The following RAP1GAP2 variants were observed in gnomAD, a reference collection of about 807,000 sequenced individuals.
RAP1GAP2 encodes the protein RAP1 GTPase activating protein 2.
In RAP1GAP2, 27 loss-of-function variants were observed where a neutral mutation model predicts 95.0. The ratio of observed to expected loss-of-function variants is 0.28; its 90% CI spans 0.21 to 0.39. The LOEUF is 0.39. RAP1GAP2 is among the 10% of genes least tolerant of loss of function. The pLI is 1.00. For missense variants in RAP1GAP2, 771 were observed against 970.0 expected, an observed-to-expected ratio of 0.79 and a Z score of 2.72; for synonymous variants, 373 against 380.9, an observed-to-expected ratio of 0.98 and a Z score of 0.24.
At chr17:2,780,693 T>C (rs1337111920) in intron 1 of RAP1GAP2, among the ~76,000 whole-genome samples, 1 of 152,252 alleles carries the variant, frequency 6.6e-6, no homozygotes, top group East Asian at 1.9e-4. Flanking sequence ...CAGCCTATGC[T>C]GGGAGACCCA....
At chr17:2,977,746 TAAAAA>T (rs35219186) in intron 8 of RAP1GAP2, among the ~76,000 whole-genome samples, 176 of 76,854 alleles carry the variant, frequency 2.3e-3, no homozygotes, top group Non-Finnish European at 3.8e-3. Context: ...GACTCCGTCT[TAAAAA>T]AAAAAAAAAA....
At chr17:2,838,415 G>A (rs576803230) in intron 2 of RAP1GAP2, among the ~76,000 whole-genome samples, 2 of 152,228 alleles carry the variant, frequency 1.3e-5, no homozygotes, top group East Asian at 3.9e-4. Flanking sequence ...GGTGGTGTGT[G>A]CTGCCCTGCA....
intron 1 of RAP1GAP2, among the ~76,000 whole-genome samples, chr17:2,779,078 T>C (rs2068576935): frequency 6.6e-6 from 1 of 152,142 alleles, no homozygotes; most frequent in African/African-American, 2.4e-5. Flanking sequence ...TGGCCTGACA[T>C]GAAGCACTGT....
chr17:2,980,252 C>T, intron 8 of RAP1GAP2, 35 bp from the exon 9 acceptor site: 1 of 1,609,470 alleles, frequency 6.2e-7, no homozygotes. Flanking sequence ...CTGACTGTTT[C>T]TTAGGGATGT....
intron 1 of RAP1GAP2, among the ~76,000 whole-genome samples, chr17:2,757,006 A>G (rs1011238219): frequency 1.3e-5 from 2 of 152,250 alleles, no homozygotes; most frequent in African/African-American, 4.8e-5. Context: ...AAAATCCCAC[A>G]GTGTCAGAGC....
At chr17:2,860,390 C>G (rs561042021) in intron 2 of RAP1GAP2, among the ~76,000 whole-genome samples, 1 of 152,026 alleles carries the variant, frequency 6.6e-6, no homozygotes. Context: ...TTAGACCATT[C>G]GAGTTGAAGG....
intron 2 of RAP1GAP2, among the ~76,000 whole-genome samples, chr17:2,864,357 T>C (rs2072538720): frequency 6.6e-6 from 1 of 152,244 alleles, no homozygotes; most frequent in Non-Finnish European, 1.5e-5. Flanking sequence ...CCACATACTT[T>C]GTTTTTTCCT....
chr17:2,853,432 G>A (rs1257734518), intron 2 of RAP1GAP2, among the ~76,000 whole-genome samples: 1 of 151,960 alleles, frequency 6.6e-6, no homozygotes, highest in Admixed American at 6.5e-5. Flanking sequence ...GGCCGGGCCG[G>A]GGAGGGCGGC....
intron 2 of RAP1GAP2, among the ~76,000 whole-genome samples, chr17:2,887,982 A>G (rs2073560484): frequency 6.6e-6 from 1 of 152,242 alleles, no homozygotes; most frequent in East Asian, 1.9e-4. Context: ...CCTAACTATT[A>G]TCTCTACTAT....
intron 2 of RAP1GAP2, among the ~76,000 whole-genome samples, chr17:2,828,984 CTTTT>C (rs58160165): frequency 1.4e-4 from 11 of 80,840 alleles, no homozygotes; most frequent in African/African-American, 5.1e-4. Flanking sequence ...TAATTACTTG[CTTTT>C]TTTTTTTTTT....
In RAP1GAP2 at chr17:3,003,043, C is replaced by T. The variant is rs1457117311; in HGVS notation, c.1201-2326C>T. Among the ~76,000 whole-genome samples the T allele has an allele frequency of 1.3e-5, 2 of 152,162 alleles. No individual in the cohort carries two copies. The highest frequency in any genetic ancestry group is 2.1e-4 in the South Asian group (1 of 4,830). ...ACCAGCTGCTTGCTCATGCCAGGCA[C>T]GGTGCTGGGTCCTTAGACGCACAGT... On this transcript the variant is annotated intron_variant, in intron 14 of 24. Coordinates refer to ENST00000254695, the MANE Select transcript of RAP1GAP2 (RefSeq NM_015085.5). This position sits in a 1 kb window ranked among gnomAD's most constrained non-coding sequence, Gnocchi z 4.1.
At chr17:2,832,228 A>T (rs982436969) in intron 2 of RAP1GAP2, among the ~76,000 whole-genome samples, 2 of 149,902 alleles carry the variant, frequency 1.3e-5, no homozygotes, top group African/African-American at 4.9e-5. Context: ...AAACAAAAAA[A>T]CCCAAATCAT....
rs554716073 is a variant in RAP1GAP2 at position 2,976,066 on chromosome 17, C to T, written c.597-4221C>T. ...ACAGTCATTAACTTGTACTTAATAACGTCGTCTTGAATTTTAAAAAGCAAA... is the reference window on the plus strand; with the variant it reads ...ACAGTCATTAACTTGTACTTAATAATGTCGTCTTGAATTTTAAAAAGCAAA... On this transcript the variant is annotated intron_variant, in intron 8 of 24. Coordinates refer to ENST00000254695, the MANE Select transcript of RAP1GAP2 (RefSeq NM_015085.5). Among the ~76,000 whole-genome samples, 7 of 152,266 alleles carry T rather than the reference C, an allele frequency of 4.6e-5. No individual in the cohort carries two copies. In the South Asian group the frequency reaches 6.2e-4, roughly 14 times the overall value.
intron 2 of RAP1GAP2, among the ~76,000 whole-genome samples, chr17:2,804,501 A>C (rs2027997): frequency 0.45 from 67,951 of 151,972 alleles, 15,460 homozygotes; most frequent in South Asian, 0.53. Context: ...TGGTTCTCAC[A>C]CCTGCCTCCC....
At chr17:2,765,154 A>C (rs948392936) in intron 1 of RAP1GAP2, among the ~76,000 whole-genome samples, 1 of 152,104 alleles carries the variant, frequency 6.6e-6, no homozygotes. Context: ...TCCCAAATGG[A>C]AGTCATAATC....
Position 3,027,141 on chromosome 17 carries a change from GC to G in RAP1GAP2, c.2107+75del. 6.7e-7 allele frequency: 1 copy of G among 1,489,682 alleles called. No individual in the cohort carries two copies. The highest frequency in any genetic ancestry group is 2.5e-5 in the East Asian group (1 of 39,612). 92.3% of individuals were successfully genotyped at this position (1,489,682 alleles called of 1,614,324 possible). A position where few individuals can be genotyped will look rare whatever the true frequency, so the allele number is the denominator to read the frequency against. ...CTGTGCCCTGTCCACTGTTAGCAGG[GC>G]CCCAGCCACGCTGAACTGGCCAGTT... is the stretch of plus-strand genomic sequence containing the variant. On this transcript the variant is annotated intron_variant, in intron 22 of 24. Coordinates refer to ENST00000254695, the MANE Select transcript of RAP1GAP2 (RefSeq NM_015085.5). This position sits in a 1 kb window ranked among gnomAD's most constrained non-coding sequence, Gnocchi z 5.2.
intron 2 of RAP1GAP2, among the ~76,000 whole-genome samples, chr17:2,806,734 GAC>G (rs769474573): frequency 1.7e-4 from 25 of 150,484 alleles, no homozygotes; most frequent in Admixed American, 6.0e-4. Context: ...TTATTTTTGA[GAC>G]AGAGTCTCAC....
chr17:2,985,201 T>C, intron 11 of RAP1GAP2, 135 bp downstream of exon 11: 1 of 1,435,758 alleles, frequency 7.0e-7, no homozygotes, highest in Non-Finnish European at 9.2e-7. Flanking sequence ...ATTTAAGGTA[T>C]GAATTAGACT....
chr17:2,773,904 C>A (rs2068444575), upstream of RAP1GAP2, among the ~76,000 whole-genome samples: 1 of 151,878 alleles, frequency 6.6e-6, no homozygotes, highest in African/African-American at 2.4e-5. Flanking sequence ...ATTACAGGTG[C>A]CCGCCACGAT....
Sources: allele counts gnomAD v4.1 joint callset (sites outside exome capture counted in the v4.1 genomes callset), GRCh38; gene constraint gnomAD v4.1.1; non-coding constraint Gnocchi (gnomAD v3.1); transcripts MANE v1.5; gene names NCBI Gene and HGNC (gene_info 2026-07-23, HGNC 2026-07-21).